The following SLC66A3 variants were observed in gnomAD, a reference collection of about 807,000 sequenced individuals.
SLC66A3 encodes PQ loop repeat containing 3.
SLC66A3 carries 23 observed loss-of-function variants against 25.5 expected under a neutral mutation model. That is an observed-to-expected ratio of 0.90 (90% confidence interval 0.65 to 1.28). SLC66A3 has a LOEUF of 1.28. Among genes scored for constraint, SLC66A3 ranks in the 50% most tolerant of loss-of-function variants. SLC66A3 has a pLI of 0.00. For synonymous variants in SLC66A3, 108 were observed against 112.6 expected (o/e 0.96, Z 0.26); for missense variants, 246 against 262.1 (o/e 0.94, Z 0.42).
At chr2:11,164,649 A>C (rs1326871818) in intron 4 of SLC66A3, among the ~76,000 whole-genome samples, 3 of 151,384 alleles carry the variant, frequency 2.0e-5, no homozygotes, top group Non-Finnish European at 2.9e-5. Context: ...CAAGTGAACA[A>C]AGGTCTCTGG....
At chr2:11,155,891 C>G (rs1389242614) in intron 1 of SLC66A3, among the ~76,000 whole-genome samples, 1 of 152,220 alleles carries the variant, frequency 6.6e-6, no homozygotes, top group African/African-American at 2.4e-5. Context: ...TACATTGTTT[C>G]TCACCAAGCC....
chr2:11,164,580 T>C (rs4669698), intron 4 of SLC66A3, among the ~76,000 whole-genome samples: 136,670 of 147,914 alleles, frequency 0.92, 63,299 homozygotes, highest in East Asian at 1. Flanking sequence ...GGGTGTTTCT[T>C]GCAGAGGGGG....
chr2:11,174,827 T>C lies in SLC66A3; in HGVS notation c.476-141T>C, dbSNP rs540396889. ...CAAACTCTGTCAAGAATAGTTAATA[T>C]ATGTTGTTAAAAAAAGAATAAAAAT... On this transcript the variant is annotated intron_variant, in intron 5 of 6. Transcript: ENST00000295083. The C allele has an allele frequency of 7.9e-6, 4 of 503,544 alleles. No homozygotes were observed. The Admixed American group carries it at 1.6e-4, about 20-fold the overall frequency. 31.2% of individuals were successfully genotyped at this position (503,544 alleles called of 1,614,324 possible).
intron 4 of SLC66A3, among the ~76,000 whole-genome samples, chr2:11,167,225 A>G (rs923790358): frequency 6.6e-6 from 1 of 152,170 alleles, no homozygotes; most frequent in Non-Finnish European, 1.5e-5. Context: ...CGTGCAGATC[A>G]CCTGAGGTCA....
At position 11,178,633 on chromosome 2, in the gene SLC66A3, TTAGG is replaced by T. The variant is rs1174340825; in HGVS notation, c.*811_*814del. The T allele has an allele frequency of 6.6e-6, 1 of 152,546 alleles. No homozygotes were observed. Among genetic ancestry groups the T allele is most frequent in the Non-Finnish European group, 1.5e-5 (1 of 68,044 alleles). 9.4% of individuals were successfully genotyped at this position (152,546 alleles called of 1,614,324 possible). ...AAAACATACACGGTAAATGGTGTTG[TTAGG>T]TAGGTTCTGTCCAGTTCTTAGGGAC... is the stretch of plus-strand genomic sequence containing the variant. On this transcript the variant is annotated 3_prime_UTR_variant, in exon 7 of 7. Transcript: ENST00000295083.
intron 4 of SLC66A3, among the ~76,000 whole-genome samples, chr2:11,168,707 T>TCCTC (rs1180569022): frequency 6.6e-6 from 1 of 152,046 alleles, no homozygotes; most frequent in Non-Finnish European, 1.5e-5. Context: ...AGAGCCCCTC[T>TCCTC]CCTCACAGGT....
intron 1 of SLC66A3, 132 bp downstream of exon 1, chr2:11,155,821 G>A (rs1661876975): frequency 1.2e-6 from 1 of 812,400 alleles, no homozygotes; most frequent in Non-Finnish European, 1.7e-6. Flanking sequence ...GGGCGGCCGA[G>A]GGTGAACTAG....
chr2:11,178,173 T>C lies in SLC66A3; in HGVS notation c.*345T>C, dbSNP rs529639462. ...TACATTGATTTGTTGGCTTTCAGAA[T>C]CTTTTAGGAAATAAATCCTCTCCAG... On this transcript the variant is annotated 3_prime_UTR_variant, in exon 7 of 7. Transcript: ENST00000295083. 6 of 171,954 alleles carry C rather than the reference T, an allele frequency of 3.5e-5. No homozygotes were observed. The East Asian group carries it at 9.6e-4, about 27-fold the overall frequency. 10.7% of individuals were successfully genotyped at this position (171,954 alleles called of 1,614,324 possible). A position where few individuals can be genotyped will look rare whatever the true frequency, so the allele number is the denominator to read the frequency against.
At chr2:11,166,475 C>G (rs1011173595) in intron 4 of SLC66A3, among the ~76,000 whole-genome samples, 10 of 152,228 alleles carry the variant, frequency 6.6e-5, no homozygotes, top group Admixed American at 5.9e-4. Context: ...AACATCTTGT[C>G]TGGAAAGTAG....
chr2:11,177,735 A>G lies in SLC66A3; in HGVS notation c.518-2A>G. On this transcript the variant is annotated splice_acceptor_variant, in intron 6 of 6. Transcript: ENST00000295083. LOFTEE classifies it high-confidence loss of function. The stretch of plus-strand genomic sequence containing the variant: ...TTTAATACACTTTTTTTTTTATTTC[A>G]GTTCTTCTACGTTTTGTGATCATGC... 1.9e-6 allele frequency: 3 copies of G among 1,591,880 alleles called. No homozygotes were observed.
intron 5 of SLC66A3, among the ~76,000 whole-genome samples, chr2:11,173,453 A>C (rs774700684): frequency 6.6e-6 from 1 of 152,206 alleles, no homozygotes; most frequent in South Asian, 2.1e-4. Context: ...CCGCCTTCCT[A>C]ACTGAAGTCT....
At chr2:11,170,592 C>CT (rs35403631) in intron 4 of SLC66A3, among the ~76,000 whole-genome samples, 57,459 of 144,438 alleles carry the variant, frequency 0.4, 12,604 homozygotes, top group South Asian at 0.52. Flanking sequence ...TATCTCAGTA[C>CT]TTTTTTTTTT....
chr2:11,168,978 C>T (rs1662451468), intron 4 of SLC66A3, among the ~76,000 whole-genome samples: 1 of 152,022 alleles, frequency 6.6e-6, no homozygotes, highest in African/African-American at 2.4e-5. Flanking sequence ...GTGCCTGAGC[C>T]TCCTGAGTAG....
rs145489242 is a variant in SLC66A3 at position 11,166,999 on chromosome 2, A to G, written c.354+2738A>G. On this transcript the variant is annotated intron_variant, in intron 4 of 6. Transcript: ENST00000295083. ...AGATGTCCTGTATTTTTGTTTGCCAACTCTCACAACCCTGTAAATGAGCCA... is the reference window on the plus strand; with the variant it reads ...AGATGTCCTGTATTTTTGTTTGCCAGCTCTCACAACCCTGTAAATGAGCCA... Among the ~76,000 whole-genome samples the G allele has an allele frequency of 9.2e-5, 14 of 152,298 alleles. 1 individual carries two copies. The East Asian group carries it at 2.5e-3, about 27-fold the overall frequency.
rs766191090 is a variant in SLC66A3, at chr2:11,169,430, C to T, written c.355-2495C>T. Reference sequence around the variant, plus strand: ...CTTGTCAAGGCCAGCGGCTTTCATTCGCGCCAGAGCCTGTGGCCAGTTCTC... The same window carrying T: ...CTTGTCAAGGCCAGCGGCTTTCATTTGCGCCAGAGCCTGTGGCCAGTTCTC... On this transcript the variant is annotated intron_variant, in intron 4 of 6. Coordinates refer to ENST00000295083, the MANE Select transcript of SLC66A3 (RefSeq NM_152391.5). Among the ~76,000 whole-genome samples, 6 of 152,240 alleles carry T rather than the reference C, an allele frequency of 3.9e-5. No homozygotes were observed. The East Asian group carries it at 7.7e-4, about 20-fold the overall frequency.
At chr2:11,167,701 C>T (rs34727260) in intron 4 of SLC66A3, among the ~76,000 whole-genome samples, 60,135 of 151,950 alleles carry the variant, frequency 0.4, 13,704 homozygotes, top group South Asian at 0.52. Flanking sequence ...TACCAGGGTC[C>T]GGGGCACAAG....
intron 5 of SLC66A3, 91 bp from the exon 6 acceptor site, chr2:11,174,874 ATAT>A: frequency 2.8e-6 from 2 of 720,076 alleles, no homozygotes; most frequent in South Asian, 1.9e-5. Flanking sequence ...AATGGTTAAT[ATAT>A]ATTGGGATAT....
At chr2:11,165,758 A>G (rs1662315098) in intron 4 of SLC66A3, among the ~76,000 whole-genome samples, 1 of 152,238 alleles carries the variant, frequency 6.6e-6, no homozygotes, top group Admixed American at 6.5e-5. Flanking sequence ...CTCCATCTGC[A>G]ATCCCGGCAC....
chr2:11,174,843 G>T (rs372800386), intron 5 of SLC66A3, 125 bp from the exon 6 acceptor site: 2 of 552,330 alleles, frequency 3.6e-6, no homozygotes, highest in Non-Finnish European at 6.1e-6. Context: ...GTTAAAAAAA[G>T]AATAAAAATA....
Sources: allele counts gnomAD v4.1 joint callset (sites outside exome capture counted in the v4.1 genomes callset), GRCh38; gene constraint gnomAD v4.1.1; transcripts MANE v1.5; gene names NCBI Gene and HGNC (gene_info 2026-07-23, HGNC 2026-07-21).